Variants in EXOC6B observed in about 807,000 individuals in gnomAD.
EXOC6B encodes the protein SEC15 homolog B.
EXOC6B carries 54 observed loss-of-function variants against 113.5 expected under a neutral mutation model. The ratio of observed to expected loss-of-function variants is 0.48; its 90% CI spans 0.38 to 0.60. EXOC6B has a LOEUF of 0.60. Ranked by LOEUF, EXOC6B falls within the 20% of genes least tolerant of loss-of-function variation. The pLI, the probability that EXOC6B is intolerant of heterozygous loss-of-function variation, is 0.00. For synonymous variants in EXOC6B, 357 were observed against 339.0 expected (o/e 1.05, Z -0.58); for missense variants, 797 against 977.5 (o/e 0.82, Z 2.46).
intron 20 of EXOC6B, among the ~76,000 whole-genome samples, chr2:72,224,912 G>A (rs1681119277): frequency 2.0e-5 from 3 of 149,356 alleles, no homozygotes; most frequent in Non-Finnish European, 4.5e-5. Context: ...ATATATAGAT[G>A]TGTATATATG....
intron 20 of EXOC6B, among the ~76,000 whole-genome samples, chr2:72,241,558 A>G (rs569800299): frequency 3.9e-5 from 6 of 152,288 alleles, no homozygotes; most frequent in African/African-American, 1.2e-4. Flanking sequence ...AGATAATCAT[A>G]TTCAAACTAC....
intron 20 of EXOC6B, among the ~76,000 whole-genome samples, chr2:72,271,369 C>CTA (rs1684471484): frequency 2.0e-5 from 3 of 152,120 alleles, no homozygotes; most frequent in African/African-American, 7.2e-5. Context: ...GAGTCGCCTA[C>CTA]ATTAAGCAGT....
intron 18 of EXOC6B, among the ~76,000 whole-genome samples, chr2:72,446,865 G>A (rs979967331): frequency 6.6e-6 from 1 of 152,190 alleles, no homozygotes; most frequent in African/African-American, 2.4e-5. Context: ...ACTTTGGGAG[G>A]CCGAGGCAGG....
intron 11 of EXOC6B, among the ~76,000 whole-genome samples, chr2:72,505,333 TGACCTCCTATGCCACC>T (rs934868642): frequency 1.2e-4 from 18 of 152,262 alleles, no homozygotes; most frequent in African/African-American, 3.6e-4. Flanking sequence ...TTCTATCCAA[TGACCTCCTATGCCACC>T]GACCTCCTAT....
At chr2:72,613,790 G>GA (rs1221820039) in intron 6 of EXOC6B, among the ~76,000 whole-genome samples, 1 of 151,722 alleles carries the variant, frequency 6.6e-6, no homozygotes, top group African/African-American at 2.4e-5. Context: ...GGATCGTGGA[G>GA]AAAAAATATC....
At chr2:72,431,491 A>ATCTC (rs1553407617) in intron 18 of EXOC6B, among the ~76,000 whole-genome samples, 9 of 144,138 alleles carry the variant, frequency 6.2e-5, no homozygotes, top group Admixed American at 4.9e-4. Context: ...TTCTTTATCT[A>ATCTC]TCTATCTATC....
chr2:72,722,087 T>G (rs1266411400), intron 5 of EXOC6B: 5 of 150,068 alleles, frequency 3.3e-5, no homozygotes, highest in African/African-American at 1.2e-4. Flanking sequence ...ATTATGAACA[T>G]GTATGCATAT....
chr2:72,285,127 A>T (rs550978101), intron 20 of EXOC6B, among the ~76,000 whole-genome samples: 1 of 152,228 alleles, frequency 6.6e-6, no homozygotes, highest in Admixed American at 6.5e-5. Context: ...CTGATTCTAA[A>T]GTTTATATGA....
intron 7 of EXOC6B, among the ~76,000 whole-genome samples, chr2:72,561,280 A>G (rs1703870568): frequency 6.6e-6 from 1 of 152,174 alleles, no homozygotes; most frequent in African/African-American, 2.4e-5. Flanking sequence ...TTTAAACTAT[A>G]TAAAAACTAC....
intron 20 of EXOC6B, among the ~76,000 whole-genome samples, chr2:72,185,519 AT>A (rs953661117): frequency 1.3e-5 from 2 of 152,178 alleles, no homozygotes; most frequent in Non-Finnish European, 2.9e-5. Flanking sequence ...CAAGAAAGGG[AT>A]TTTAGAGATG....
Position 72,480,678 on chromosome 2 carries a change from T to G in EXOC6B, c.1738A>C (p.Ile580Leu). 6.3e-7 allele frequency: 1 copy of G among 1,593,598 alleles called. No individual in the cohort carries two copies. Among genetic ancestry groups the G allele is most frequent in the African/African-American group, 1.3e-5 (1 of 74,806 alleles). ...ACTGTCTCTGGAAGCACATTAGTGATGTTGGTGATAAATTCTTCCAAGTAC... is the reference window on the plus strand; with the variant it reads ...ACTGTCTCTGGAAGCACATTAGTGAGGTTGGTGATAAATTCTTCCAAGTAC... ...CKYLEEFITNITNVLPETVHT... is the reference protein window; with the variant it reads ...CKYLEEFITNLTNVLPETVHT... Residue 580 changes from isoleucine to leucine, a missense_variant, in exon 17 of 22, where the codon ATC becomes CTC. Transcript: ENST00000272427.
At chr2:72,347,585 A>G (rs985736835) in intron 19 of EXOC6B, among the ~76,000 whole-genome samples, 1 of 152,190 alleles carries the variant, frequency 6.6e-6, no homozygotes, top group South Asian at 2.1e-4. Flanking sequence ...AGAAACAAGT[A>G]AAATTAATTC....
rs997251590 is a variant in EXOC6B at position 72,488,211 on chromosome 2, G to GT, written c.1665+4106dup. On this transcript the variant is annotated intron_variant, in intron 16 of 21. Coordinates refer to ENST00000272427, the MANE Select transcript of EXOC6B (RefSeq NM_015189.3). ...CTTTATATAATTTATGCACACTCCTGTTTTTTTTGTTTTGCTTTTTCCTAC... is the reference window on the plus strand; with the variant it reads ...CTTTATATAATTTATGCACACTCCTGTTTTTTTTTGTTTTGCTTTTTCCTAC... Among the ~76,000 whole-genome samples, 44 of 151,742 alleles carry GT rather than the reference G, an allele frequency of 2.9e-4. 1 individual carries two copies. The highest frequency in any genetic ancestry group is 3.4e-3 in the Middle Eastern group (1 of 294).
At chr2:72,575,723 A>T in intron 6 of EXOC6B, 55 bp from the exon 7 acceptor site, 1 of 1,375,150 alleles carries the variant, frequency 7.3e-7, no homozygotes, top group South Asian at 1.9e-5. Context: ...TTAGGGAGAG[A>T]GAAAGAAAGA....
chr2:72,533,658 G>C (rs1481901949), intron 8 of EXOC6B, among the ~76,000 whole-genome samples: 5 of 152,088 alleles, frequency 3.3e-5, no homozygotes, highest in African/African-American at 7.2e-5. Context: ...TTAGAAGGTA[G>C]GGCATGACTA....
At chr2:72,424,554 A>G (rs967337543) in intron 18 of EXOC6B, among the ~76,000 whole-genome samples, 3 of 152,162 alleles carry the variant, frequency 2.0e-5, no homozygotes, top group Non-Finnish European at 4.4e-5. Context: ...AACACAGATT[A>G]ATAGTTTTCA....
intron 20 of EXOC6B, among the ~76,000 whole-genome samples, chr2:72,303,128 G>T (rs1262744448): frequency 6.6e-6 from 1 of 152,142 alleles, no homozygotes; most frequent in Non-Finnish European, 1.5e-5. Context: ...TTTTCTTTAA[G>T]AATGTTGAAT....
chr2:72,426,065 T>C (rs1573093460), intron 18 of EXOC6B, among the ~76,000 whole-genome samples: 1 of 152,308 alleles, frequency 6.6e-6, no homozygotes, highest in Non-Finnish European at 1.5e-5. Flanking sequence ...CCCTTCCCTC[T>C]ATATCAATAA....
intron 6 of EXOC6B, among the ~76,000 whole-genome samples, chr2:72,585,481 T>C (rs1435938250): frequency 6.6e-6 from 1 of 151,438 alleles, no homozygotes; most frequent in African/African-American, 2.4e-5. Context: ...CCTGTAGTTC[T>C]AGCTACTAGG....
Sources: gnomAD v4.1 joint callset for allele counts (sites outside exome capture counted in the v4.1 genomes callset) on GRCh38, gnomAD v4.1.1 for gene constraint, MANE v1.5 for transcripts, NCBI Gene and HGNC (gene_info 2026-07-23, HGNC 2026-07-21) for gene names.